ASB3: variants seen among roughly 807,000 people sequenced by gnomAD.
ASB3 encodes ankyrin repeat and SOCS box containing 3, also known as ankyrin repeat and SOCS box protein 3.
ASB3 carries 41 observed loss-of-function variants against 54.5 expected under a neutral mutation model. The ratio of observed to expected loss-of-function variants is 0.75; its 90% CI spans 0.59 to 0.98. The LOEUF (loss-of-function observed/expected upper bound fraction) is 0.98, where lower values mean the gene tolerates loss of function less well. Among genes scored for constraint, ASB3 ranks in the 50% least tolerant of loss-of-function variants. The pLI is 0.00. For synonymous variants in ASB3, 266 were observed against 221.2 expected, an observed-to-expected ratio of 1.20 and a Z score of -1.80; for missense variants, 733 against 620.0, an observed-to-expected ratio of 1.18 and a Z score of -1.94.
chr2:53,748,956 A>C (rs1383323826), intron 3 of ASB3, among the ~76,000 whole-genome samples: 1 of 152,150 alleles, frequency 6.6e-6, no homozygotes, highest in Non-Finnish European at 1.5e-5. Context: ...TTAGGAGTTC[A>C]CACTGAAGTA....
chr2:53,727,861 G>C (rs1372822131), intron 5 of ASB3, among the ~76,000 whole-genome samples: 2 of 152,036 alleles, frequency 1.3e-5, no homozygotes, highest in African/African-American at 4.8e-5. Context: ...TAGTAGTTGG[G>C]ATTACAGGCA....
intron 9 of ASB3, among the ~76,000 whole-genome samples, chr2:53,683,360 G>A (rs568810487): frequency 2.2e-4 from 33 of 151,976 alleles, no homozygotes; most frequent in Admixed American, 6.6e-4. Flanking sequence ...TGTAGAATTC[G>A]GTTTGCTAGT....
At chr2:53,692,161 G>A (rs748021545) in intron 9 of ASB3, among the ~76,000 whole-genome samples, 10 of 152,042 alleles carry the variant, frequency 6.6e-5, no homozygotes, top group African/African-American at 2.4e-4. Context: ...CTACAGGGGG[G>A]GCAAAAATCA....
chr2:53,709,630 G>C (rs1669980032), intron 7 of ASB3, among the ~76,000 whole-genome samples: 1 of 152,182 alleles, frequency 6.6e-6, no homozygotes, highest in Non-Finnish European at 1.5e-5. Context: ...TATGAATGAT[G>C]GGTCTATGGG....
chr2:53,694,770 G>A (rs1175990597), intron 8 of ASB3, among the ~76,000 whole-genome samples: 1 of 151,976 alleles, frequency 6.6e-6, no homozygotes, highest in African/African-American at 2.4e-5. Flanking sequence ...TTAAACTCTC[G>A]CTCCTGCTTT....
At chr2:53,703,273 C>A (rs1669589776) in intron 7 of ASB3, among the ~76,000 whole-genome samples, 1 of 152,184 alleles carries the variant, frequency 6.6e-6, no homozygotes, top group Non-Finnish European at 1.5e-5. Context: ...TAGCTGCTAA[C>A]TTTTTAGCTC....
At chr2:53,730,271 A>AAC (rs375884624) in intron 3 of ASB3, among the ~76,000 whole-genome samples, 2 of 152,014 alleles carry the variant, frequency 1.3e-5, no homozygotes, top group Non-Finnish European at 1.5e-5. Context: ...AATAAGTACA[A>AAC]ACACACACAC....
intron 3 of ASB3, among the ~76,000 whole-genome samples, chr2:53,746,122 A>G (rs924477066): frequency 6.6e-6 from 1 of 151,976 alleles, no homozygotes; most frequent in African/African-American, 2.4e-5. Flanking sequence ...CCCCAACTCT[A>G]CAAAAATTAA....
At chr2:53,767,909 C>G (rs377010141) in intron 1 of ASB3, 1 of 1,612,982 alleles carries the variant, frequency 6.2e-7, no homozygotes, top group Non-Finnish European at 8.5e-7. Context: ...GGTTACGGGT[C>G]CCTGATCTGG....
chr2:53,766,923 T>A (rs17045201), intron 1 of ASB3, among the ~76,000 whole-genome samples: 73 of 152,250 alleles, frequency 4.8e-4, no homozygotes, highest in Middle Eastern at 3.4e-3. Flanking sequence ...AACAATCACT[T>A]GGTAAGGTTT....
chr2:53,740,416 A>AT lies in ASB3; in HGVS notation c.355+10366dup, dbSNP rs1031424751. ...ACTCCATTATTGCTATGACAAAGGA[A>AT]TTTTTTTTTCCAGTGTTGTCCATTT... On this transcript the variant is annotated intron_variant, in intron 3 of 9. Transcript: ENST00000263634. Among the ~76,000 whole-genome samples, 147 of 151,808 alleles carry AT rather than the reference A, an allele frequency of 9.7e-4. 1 individual carries two copies. Among genetic ancestry groups the AT allele is most frequent in the African/African-American group, 3.5e-3 (143 of 41,420 alleles).
chr2:53,704,173 C>G (rs1669641520), intron 7 of ASB3, among the ~76,000 whole-genome samples: 1 of 151,792 alleles, frequency 6.6e-6, no homozygotes, highest in African/African-American at 2.4e-5. Flanking sequence ...CCAGCCTGAC[C>G]AACATGGGAA....
chr2:53,768,190 C>G (rs1040280577), intron 1 of ASB3: 1 of 765,304 alleles, frequency 1.3e-6, no homozygotes, highest in Non-Finnish European at 2.0e-6. Flanking sequence ...CCCGCCATCT[C>G]TAACCCAGCC....
intron 8 of ASB3, among the ~76,000 whole-genome samples, chr2:53,698,162 T>C (rs1408551699): frequency 6.6e-6 from 1 of 152,186 alleles, no homozygotes; most frequent in Non-Finnish European, 1.5e-5. Flanking sequence ...CCACAGCTCT[T>C]GCATTCTACA....
chr2:53,711,532 T>C (rs1007286877), intron 7 of ASB3, among the ~76,000 whole-genome samples: 12 of 152,184 alleles, frequency 7.9e-5, no homozygotes, highest in Non-Finnish European at 2.9e-5. Context: ...GCCAGCACTT[T>C]GGGAGTCCGA....
intron 2 of ASB3, among the ~76,000 whole-genome samples, chr2:53,764,653 A>T (rs1180443675): frequency 6.6e-6 from 1 of 152,168 alleles, no homozygotes; most frequent in African/African-American, 2.4e-5. Context: ...AGCTGTCCAG[A>T]GGGAAGAAAG....
intron 3 of ASB3, among the ~76,000 whole-genome samples, chr2:53,746,485 C>CTTT (rs371241627): frequency 0.17 from 24,025 of 138,858 alleles, 2,294 homozygotes; most frequent in African/African-American, 0.26. Flanking sequence ...GGGGTTTTTT[C>CTTT]TTTTTTTTTT....
intron 3 of ASB3, among the ~76,000 whole-genome samples, chr2:53,736,422 G>A (rs1282478580): frequency 6.6e-6 from 1 of 152,200 alleles, no homozygotes; most frequent in Non-Finnish European, 1.5e-5. Context: ...TTGGAGGCCA[G>A]GTGCGGTGGC....
intron 7 of ASB3, among the ~76,000 whole-genome samples, chr2:53,707,194 A>C (rs919919600): frequency 6.6e-6 from 1 of 152,212 alleles, no homozygotes; most frequent in Non-Finnish European, 1.5e-5. Flanking sequence ...AGGGAAACTG[A>C]AGAAGTAATT....
Sources: gnomAD v4.1 joint callset for allele counts (sites outside exome capture counted in the v4.1 genomes callset) on GRCh38, gnomAD v4.1.1 for gene constraint, MANE v1.5 for transcripts, NCBI Gene and HGNC (gene_info 2026-07-23, HGNC 2026-07-21) for gene names.